Variants in ADCY5 observed in about 807,000 individuals in gnomAD.
ADCY5 encodes the protein adenylate cyclase type 5.
In ADCY5, 30 loss-of-function variants were observed where a neutral mutation model predicts 119.7. The observed-to-expected ratio is 0.25, with a 90% CI of 0.19 to 0.34. The LOEUF is 0.34. Ranked by LOEUF, ADCY5 falls within the 10% of genes least tolerant of loss-of-function variation. The pLI, the probability that ADCY5 is intolerant of heterozygous loss-of-function variation, is 1.00. For missense variants in ADCY5, 1,324 were observed against 1,775.2 expected (o/e 0.75, Z 4.57); for synonymous variants, 753 against 762.2 (o/e 0.99, Z 0.20).
intron 20 of ADCY5, among the ~76,000 whole-genome samples, chr3:123,285,587 T>C (rs984135491): frequency 7.2e-5 from 11 of 152,314 alleles, no homozygotes; most frequent in African/African-American, 2.6e-4. Flanking sequence ...GTAGGAGTGC[T>C]GGGTGGGCTG....
At chr3:123,443,732 C>T (rs1945762761) in intron 1 of ADCY5, among the ~76,000 whole-genome samples, 1 of 152,218 alleles carries the variant, frequency 6.6e-6, no homozygotes, top group African/African-American at 2.4e-5. Flanking sequence ...TTGTCCCACA[C>T]TGCAGGGAAA....
intron 13 of ADCY5, among the ~76,000 whole-genome samples, chr3:123,303,531 G>A (rs1427008959): frequency 6.6e-6 from 1 of 152,142 alleles, no homozygotes; most frequent in East Asian, 1.9e-4. Flanking sequence ...TGGGAGAGTA[G>A]CCAAGCATAG....
At chr3:123,419,053 G>C (rs77022030) in intron 1 of ADCY5, 48 of 768,628 alleles carry the variant, frequency 6.2e-5, no homozygotes, top group Non-Finnish European at 7.4e-5. Flanking sequence ...CTCAGTCTCC[G>C]TAACGGCATG....
intron 1 of ADCY5, among the ~76,000 whole-genome samples, chr3:123,355,418 C>G (rs1221355066): frequency 6.6e-6 from 1 of 152,136 alleles, no homozygotes; most frequent in Non-Finnish European, 1.5e-5. Context: ...GATATGGCAA[C>G]TGTACATATT....
At chr3:123,389,519 C>T (rs1461498404) in intron 1 of ADCY5, among the ~76,000 whole-genome samples, 1 of 152,060 alleles carries the variant, frequency 6.6e-6, no homozygotes, top group Non-Finnish European at 1.5e-5. Flanking sequence ...CACCCCCACA[C>T]CCCTGCTGCG....
rs969672931 is a variant in ADCY5, at chr3:123,283,774, A to T, written c.*834T>A. 7.3e-5 allele frequency: 11 copies of T among 151,282 alleles called. No homozygotes were observed. The highest frequency in any genetic ancestry group is 6.6e-4 in the Admixed American group (10 of 15,254). 9.4% of individuals were successfully genotyped at this position (151,282 alleles called of 1,614,324 possible). ...ATATAGAGAATTTACAAAATATAGAATTTGGCATATCTATCTGTGAGATCT... is the reference window on the plus strand; with the variant it reads ...ATATAGAGAATTTACAAAATATAGATTTTGGCATATCTATCTGTGAGATCT... On this transcript the variant is annotated 3_prime_UTR_variant, in exon 21 of 21. Coordinates refer to ENST00000462833, the MANE Select transcript of ADCY5 (RefSeq NM_183357.3).
chr3:123,345,140 C>A (rs961100829), intron 3 of ADCY5, among the ~76,000 whole-genome samples: 1 of 152,174 alleles, frequency 6.6e-6, no homozygotes, highest in Admixed American at 6.5e-5. Flanking sequence ...GGGCAGTCAC[C>A]GTAGAAGAGG....
At chr3:123,320,633 C>T in intron 9 of ADCY5, 116 bp downstream of exon 9, 1 of 1,417,576 alleles carries the variant, frequency 7.1e-7, no homozygotes, top group Non-Finnish European at 9.9e-7. Context: ...TCACTCTCAG[C>T]TAAGACTGCA....
intron 1 of ADCY5, among the ~76,000 whole-genome samples, chr3:123,359,317 C>A (rs899598618): frequency 3.4e-5 from 3 of 88,080 alleles, no homozygotes; most frequent in South Asian, 7.1e-4. Context: ...ATATTTGGGA[C>A]CTACTTATAC....
rs6808619 is a variant in ADCY5, at chr3:123,349,946, C to T, written c.1285-2043G>A. Among the ~76,000 whole-genome samples the T allele has an allele frequency of 4.9e-3, 753 of 152,366 alleles. 2 individuals carry two copies. The highest frequency in any genetic ancestry group is 0.016 in the African/African-American group (656 of 41,590). On this transcript the variant is annotated intron_variant, in intron 2 of 20. Coordinates refer to ENST00000462833, the MANE Select transcript of ADCY5 (RefSeq NM_183357.3). ...TCCTGACACTGCTGAGATCAGCCCA[C>T]GCCCACAGCCTGGCCTGGAGGTTTC...
chr3:123,348,036 A>AGCGTGTGTGTGTGT lies in ADCY5; in HGVS notation c.1285-134_1285-133insACACACACACACGC, dbSNP rs1553732238. 1.7e-5 allele frequency: 8 copies of AGCGTGTGTGTGTGT among 468,640 alleles called. No individual in the cohort carries two copies. In the African/African-American group the frequency reaches 1.9e-4, roughly 11 times the overall value. The allele number at this position is 468,640 out of a possible 1,614,324, so 29.0% of individuals were successfully genotyped here. On this transcript the variant is annotated intron_variant, in intron 2 of 20. Transcript: ENST00000462833. ...GCTCTCCCGGGACTCCTGGGTTAAC[A>AGCGTGTGTGTGTGT]GTGTGTGTGTGTGTGTGTGTGTGTG...
At chr3:123,305,044 C>T (rs1940125286) in intron 12 of ADCY5, among the ~76,000 whole-genome samples, 1 of 152,138 alleles carries the variant, frequency 6.6e-6, no homozygotes, top group Non-Finnish European at 1.5e-5. Flanking sequence ...GTCTATAAAA[C>T]CCCCCAAGGG....
chr3:123,430,568 C>T lies in ADCY5; in HGVS notation c.1134+16844G>A, dbSNP rs574871791. Among the ~76,000 whole-genome samples the T allele has an allele frequency of 7.2e-5, 11 of 152,360 alleles. 1 individual carries two copies. The South Asian group carries it at 1.4e-3, about 20-fold the overall frequency. ...GGGGAAGATGTCAGATGGTGACTAA[C>T]GGGCTTTTCTAGGCCATTGTCACCA... On this transcript the variant is annotated intron_variant, in intron 1 of 20. Transcript: ENST00000462833.
intron 11 of ADCY5, 115 bp downstream of exon 11, chr3:123,317,905 C>A: frequency 2.1e-6 from 2 of 934,950 alleles, no homozygotes; most frequent in Non-Finnish European, 3.3e-6. Context: ...TCTCTCCGTG[C>A]CTGAGCAAGT....
At chr3:123,371,437 G>A (rs553603132) in intron 1 of ADCY5, among the ~76,000 whole-genome samples, 4 of 152,214 alleles carry the variant, frequency 2.6e-5, no homozygotes, top group Non-Finnish European at 2.9e-5. Context: ...CCAACCAGTC[G>A]ATCGCAGTCC....
chr3:123,357,501 A>T (rs1943082638), intron 1 of ADCY5, among the ~76,000 whole-genome samples: 1 of 152,222 alleles, frequency 6.6e-6, no homozygotes, highest in Non-Finnish European at 1.5e-5. Flanking sequence ...AAATCCAGGT[A>T]AAAAGATGCG....
At chr3:123,297,002 G>C in intron 16 of ADCY5, 2 of 1,536,082 alleles carry the variant, frequency 1.3e-6, no homozygotes, top group Admixed American at 2.0e-5. Context: ...ACTCCAGAGG[G>C]AAAGTAGGTA....
At chr3:123,371,657 G>A (rs1304701071) in intron 1 of ADCY5, among the ~76,000 whole-genome samples, 1 of 152,164 alleles carries the variant, frequency 6.6e-6, no homozygotes, top group African/African-American at 2.4e-5. Context: ...GCAAGAGCTG[G>A]GGATGAGGCT....
intron 8 of ADCY5, among the ~76,000 whole-genome samples, chr3:123,324,403 ACCACAC>A (rs1941368191): frequency 8.2e-6 from 1 of 122,160 alleles, no homozygotes; most frequent in Admixed American, 8.7e-5. Flanking sequence ...CCACACAGAA[ACCACAC>A]ACACACACAC....
Sources: allele counts gnomAD v4.1 joint callset (sites outside exome capture counted in the v4.1 genomes callset), GRCh38; gene constraint gnomAD v4.1.1; transcripts MANE v1.5; gene names NCBI Gene and HGNC (gene_info 2026-07-23, HGNC 2026-07-21).